The following GLT1D1 variants were observed in gnomAD, a reference collection of about 807,000 sequenced individuals.
GLT1D1 encodes the protein glycosyltransferase 1 domain containing 1.
In GLT1D1, 21 loss-of-function variants were observed where a neutral mutation model predicts 28.7. That is an observed-to-expected ratio of 0.73 (90% CI 0.52 to 1.05). The LOEUF (loss-of-function observed/expected upper bound fraction) is 1.05. Ranked by LOEUF, GLT1D1 falls within the 50% of genes least tolerant of loss-of-function variation. The probability of loss-of-function intolerance (pLI) is 0.00; values close to 1 mark genes in which losing one functional copy is unlikely to be tolerated. For missense variants in GLT1D1, 343 were observed against 330.6 expected, an observed-to-expected ratio of 1.04 and a Z score of -0.29; for synonymous variants, 147 against 124.8, an observed-to-expected ratio of 1.18 and a Z score of -1.19.
At chr12:128,899,551 T>TGG (rs1566114597) in intron 4 of GLT1D1, among the ~76,000 whole-genome samples, 6 of 146,972 alleles carry the variant, frequency 4.1e-5, no homozygotes, top group Non-Finnish European at 6.0e-5. Context: ...TTGCTGTTTT[T>TGG]TTTTTTTTTT....
intron 7 of GLT1D1, among the ~76,000 whole-genome samples, chr12:128,960,389 A>G (rs1035812164): frequency 6.6e-6 from 1 of 152,220 alleles, no homozygotes; most frequent in East Asian, 1.9e-4. Flanking sequence ...GTCAGGGACT[A>G]TGGTTCTATG....
At chr12:128,976,814 TG>T (rs1879807106) in intron 7 of GLT1D1, among the ~76,000 whole-genome samples, 1 of 152,164 alleles carries the variant, frequency 6.6e-6, no homozygotes, top group African/African-American at 2.4e-5. Context: ...GACATCATCA[TG>T]AGAAGGATTG....
intron 4 of GLT1D1, among the ~76,000 whole-genome samples, chr12:128,904,503 C>T (rs930786175): frequency 1.3e-5 from 2 of 151,734 alleles, no homozygotes; most frequent in African/African-American, 4.9e-5. Flanking sequence ...AAATATTGGA[C>T]TCGGGTAAAT....
chr12:128,955,893 G>A lies in GLT1D1; in HGVS notation c.541-1652G>A, dbSNP rs376542176. 2.0e-4 allele frequency among the ~76,000 whole-genome samples: 31 copies of A among 151,798 alleles called. No homozygotes were observed. In the East Asian group the frequency reaches 2.1e-3, roughly 10 times the overall value. On this transcript the variant is annotated intron_variant, in intron 6 of 7. Coordinates refer to ENST00000281703, the MANE Select transcript of GLT1D1 (RefSeq NM_144669.3). ...GTGGAGTGGTGCTTTGGGATTTGGG[G>A]ACACAGATGCTCCTCGAGTTATGAT...
chr12:128,976,838 A>C (rs1261989739), intron 7 of GLT1D1, among the ~76,000 whole-genome samples: 1 of 152,118 alleles, frequency 6.6e-6, no homozygotes, highest in African/African-American at 2.4e-5. Context: ...ATGAGGTTCT[A>C]ATATTCATTT....
At chr12:128,947,505 A>T (rs879035343) in intron 6 of GLT1D1, 47 bp downstream of exon 10, 2 of 1,605,988 alleles carry the variant, frequency 1.2e-6, no homozygotes. Flanking sequence ...GAAATTGTCC[A>T]TCACTCCTTC....
chr12:128,871,144 A>G (rs2135784176), intron 1 of GLT1D1, among the ~76,000 whole-genome samples: 1 of 152,276 alleles, frequency 6.6e-6, no homozygotes, highest in African/African-American at 2.4e-5. Context: ...CCCCTTTTCC[A>G]TCTATCAGTG....
intron 4 of GLT1D1, among the ~76,000 whole-genome samples, chr12:128,937,062 T>C (rs1239096685): frequency 6.6e-6 from 1 of 152,166 alleles, no homozygotes; most frequent in African/African-American, 2.4e-5. Context: ...TTGATTTCTT[T>C]CCTTGATAAA....
At chr12:128,861,080 G>GC (rs34832645) in intron 1 of GLT1D1, among the ~76,000 whole-genome samples, 73,307 of 151,788 alleles carry the variant, frequency 0.48, 19,249 homozygotes, top group Non-Finnish European at 0.58. Flanking sequence ...TTCAAAGGGT[G>GC]CCCCCCGTTA....
intron 1 of GLT1D1, chr12:128,863,991 C>T: frequency 3.2e-6 from 1 of 314,444 alleles, no homozygotes; most frequent in Non-Finnish European, 5.9e-6. Context: ...TGAATACTAT[C>T]TGGAAGGACC....
chr12:128,910,455 A>G (rs764543085), intron 4 of GLT1D1, among the ~76,000 whole-genome samples: 4 of 152,110 alleles, frequency 2.6e-5, no homozygotes, highest in Non-Finnish European at 5.9e-5. Context: ...ATATTAAGTT[A>G]TATTAAGTTA....
At chr12:128,879,318 C>A (rs1027991573) in intron 2 of GLT1D1, among the ~76,000 whole-genome samples, 1 of 152,028 alleles carries the variant, frequency 6.6e-6, no homozygotes, top group Non-Finnish European at 1.5e-5. Flanking sequence ...CCCCACCCCA[C>A]CCCCAACAAG....
At chr12:128,951,625 C>T (rs1033076272) in intron 6 of GLT1D1, among the ~76,000 whole-genome samples, 2 of 152,160 alleles carry the variant, frequency 1.3e-5, no homozygotes, top group African/African-American at 4.8e-5. Context: ...GCCTGTGAGT[C>T]ATGCACGGTG....
Position 128,947,370 on chromosome 12 carries a change from C to A in GLT1D1, c.452C>A (p.Pro151His). ...GGGGTACGATTGATTGGAGAGATGC[C>A]TCAAGAAGATCTGCACGCGGTGGTG... The change falls in exon 6 of 8, where the codon CCT (proline) becomes CAT (histidine). Residue 151 changes from proline to histidine, a missense_variant. Coordinates refer to ENST00000281703, the MANE Select transcript of GLT1D1 (RefSeq NM_144669.3). The A allele has an allele frequency of 6.2e-7, 1 of 1,614,032 alleles. No homozygotes were observed. Among genetic ancestry groups the A allele is most frequent in the Non-Finnish European group, 8.5e-7 (1 of 1,179,972 alleles).
intron 7 of GLT1D1, among the ~76,000 whole-genome samples, chr12:128,976,731 G>A (rs1879798101): frequency 6.6e-6 from 1 of 152,222 alleles, no homozygotes; most frequent in South Asian, 2.1e-4. Context: ...GCCAGCCCCA[G>A]CATGCATCCT....
At chr12:128,880,040 G>T (rs1956998282) in intron 2 of GLT1D1, among the ~76,000 whole-genome samples, 1 of 152,220 alleles carries the variant, frequency 6.6e-6, no homozygotes, top group Admixed American at 6.5e-5. Context: ...TCCTAGGAAA[G>T]CCTGTGGGTC....
At position 128,888,684 on chromosome 12, in the gene GLT1D1, A is replaced by G. The variant is rs147937284; in HGVS notation, c.263A>G (p.Asn88Ser). ...GTCATCTTTGGTGGAACTGATGTAA[A>G]TGAAGATGCCAACCAGGCGGAAAAA... Residue 88 changes from asparagine to serine, a missense_variant, in exon 3 of 8, where the codon AAT becomes AGT. Transcript: ENST00000281703. 13 of 1,613,930 alleles carry G rather than the reference A, an allele frequency of 8.1e-6. No homozygotes were observed. In the African/African-American group the frequency reaches 1.2e-4, roughly 15 times the overall value.
intron 1 of GLT1D1, among the ~76,000 whole-genome samples, chr12:128,858,815 A>G (rs1357725532): frequency 6.6e-6 from 1 of 152,214 alleles, no homozygotes; most frequent in African/African-American, 2.4e-5. Flanking sequence ...AAGGGCAGCC[A>G]CCGTAAGACT....
At chr12:128,937,384 G>T (rs910457173) in intron 4 of GLT1D1, among the ~76,000 whole-genome samples, 1 of 152,194 alleles carries the variant, frequency 6.6e-6, no homozygotes, top group African/African-American at 2.4e-5. Context: ...ATGGCCTTGG[G>T]AGGGACATGG....
Sources: allele counts gnomAD v4.1 joint callset (sites outside exome capture counted in the v4.1 genomes callset), GRCh38; gene constraint gnomAD v4.1.1; transcripts MANE v1.5; gene names NCBI Gene and HGNC (gene_info 2026-07-23, HGNC 2026-07-21).